Variants in HIP1 observed in about 807,000 individuals in gnomAD.
HIP1 encodes huntingtin interacting protein 1.
A neutral mutation model predicts 147.6 loss-of-function variants in HIP1; 65 were observed. The observed-to-expected ratio is 0.44, with a 90% CI of 0.36 to 0.54. The LOEUF is 0.54. Ranked by LOEUF, HIP1 falls within the 20% of genes least tolerant of loss-of-function variation. The pLI is 0.00. For synonymous variants in HIP1, 479 were observed against 504.0 expected, an observed-to-expected ratio of 0.95 and a Z score of 0.67; for missense variants, 1,061 against 1,299.6, an observed-to-expected ratio of 0.82 and a Z score of 2.82.
At chr7:75,538,559 C>G (rs1412976510) in intron 30 of HIP1, among the ~76,000 whole-genome samples, 1 of 141,602 alleles carries the variant, frequency 7.1e-6, no homozygotes, top group Non-Finnish European at 1.6e-5. Context: ...TTTCTCAGCA[C>G]CTGATCCCTT....
chr7:75,561,001 G>A (rs3757605), intron 13 of HIP1, among the ~76,000 whole-genome samples: 13,556 of 148,544 alleles, frequency 0.091, 627 homozygotes, highest in South Asian at 0.13. Flanking sequence ...CGCCCAGGCT[G>A]GAGTGCAGTG....
chr7:75,536,158 C>G lies in HIP1; in HGVS notation c.*2014G>C. 4.9e-6 allele frequency: 1 copy of G among 202,218 alleles called. No individual in the cohort carries two copies. Among genetic ancestry groups the G allele is most frequent in the Non-Finnish European group, 1.0e-5 (1 of 98,450 alleles). 12.5% of individuals were successfully genotyped at this position (202,218 alleles called of 1,614,324 possible). The stretch of plus-strand genomic sequence containing the variant: ...TGGGACAGGGAAGCCACGCACCATT[C>G]CTTCTGAGCCTTGAATCAAAAAAAT... On this transcript the variant is annotated 3_prime_UTR_variant, in exon 31 of 31. Transcript: ENST00000336926.
intron 8 of HIP1, among the ~76,000 whole-genome samples, chr7:75,572,729 G>A (rs1795690994): frequency 6.6e-6 from 1 of 152,156 alleles, no homozygotes; most frequent in Non-Finnish European, 1.5e-5. Context: ...TGAGGGTCCG[G>A]AGCAGGCAGG....
At chr7:75,609,778 G>A (rs782153097) in intron 1 of HIP1, among the ~76,000 whole-genome samples, 1 of 151,670 alleles carries the variant, frequency 6.6e-6, no homozygotes, top group African/African-American at 2.4e-5. Context: ...GGATGGTCTC[G>A]ATCTCTTGAC....
intron 17 of HIP1, 46 bp downstream of exon 17, chr7:75,556,664 T>C (rs782412802): frequency 1.2e-5 from 15 of 1,226,936 alleles, no homozygotes; most frequent in Non-Finnish European, 1.6e-5. Context: ...CCAACCTGAG[T>C]GACAGAAGAA....
intron 1 of HIP1, among the ~76,000 whole-genome samples, chr7:75,679,830 C>T (rs1357241883): frequency 1.3e-5 from 2 of 152,170 alleles, no homozygotes; most frequent in Non-Finnish European, 2.9e-5. Context: ...GTCCATCTCT[C>T]TGACCTCCAG....
intron 14 of HIP1, among the ~76,000 whole-genome samples, chr7:75,558,814 T>A (rs111231555): frequency 1.2e-4 from 18 of 151,124 alleles, no homozygotes; most frequent in African/African-American, 4.4e-4. Flanking sequence ...AGGTCAGGAG[T>A]TCAAGACCAG....
At chr7:75,557,866 A>C in intron 15 of HIP1, 96 bp from the exon 16 acceptor site, 1 of 887,970 alleles carries the variant, frequency 1.1e-6, no homozygotes, top group South Asian at 1.3e-5. Flanking sequence ...CGTGCCCTAG[A>C]GTCAGACACA....
intron 2 of HIP1, among the ~76,000 whole-genome samples, chr7:75,595,239 T>C (rs55792349): frequency 0.02 from 2,211 of 109,618 alleles, 37 homozygotes; most frequent in African/African-American, 0.085. Context: ...TTTCTTTCTT[T>C]CTTTCTTTCT....
chr7:75,700,302 G>A (rs1391163501), intron 1 of HIP1, among the ~76,000 whole-genome samples: 2 of 152,220 alleles, frequency 1.3e-5, no homozygotes, highest in South Asian at 4.1e-4. Context: ...AGAGCAACTC[G>A]AACCCAGCAA....
At position 75,540,130 on chromosome 7, in the gene HIP1, T is replaced by G. The variant is rs1794246799; in HGVS notation, c.2953-699A>C. ...AATGTAATTTATTTTATTTCTTAAT[T>G]CAAGGAATATTTGCTGGCCGGGCAT... On this transcript the variant is annotated intron_variant, in intron 29 of 30. Transcript: ENST00000336926. Among the ~76,000 whole-genome samples the G allele has an allele frequency of 3.3e-5, 5 of 152,274 alleles. No individual in the cohort carries two copies. In the South Asian group the frequency reaches 1.0e-3, roughly 32 times the overall value.
intron 1 of HIP1, among the ~76,000 whole-genome samples, chr7:75,707,685 C>T (rs1400295623): frequency 6.7e-6 from 1 of 148,908 alleles, no homozygotes; most frequent in Admixed American, 6.7e-5. Context: ...CATCACACTA[C>T]CTGACTTCAA....
intron 4 of HIP1, among the ~76,000 whole-genome samples, chr7:75,590,446 C>T (rs985944501): frequency 6.6e-6 from 1 of 152,030 alleles, no homozygotes; most frequent in Non-Finnish European, 1.5e-5. Flanking sequence ...AAAAAACACC[C>T]AGCCAATCCA....
chr7:75,689,965 T>C (rs1800391213), intron 1 of HIP1, among the ~76,000 whole-genome samples: 1 of 152,102 alleles, frequency 6.6e-6, no homozygotes, highest in South Asian at 2.1e-4. Context: ...GATGGCATGA[T>C]TTGATTTTAT....
chr7:75,595,212 CT>C (rs1337513605), intron 2 of HIP1, among the ~76,000 whole-genome samples: 1 of 77,706 alleles, frequency 1.3e-5, no homozygotes, highest in African/African-American at 6.9e-5. Context: ...TTCTTTCTTT[CT>C]TTCTTTCTTT....
intron 1 of HIP1, among the ~76,000 whole-genome samples, chr7:75,681,206 C>T (rs1554516807): frequency 6.6e-6 from 1 of 152,182 alleles, no homozygotes; most frequent in Admixed American, 6.5e-5. Flanking sequence ...AGCCACCGCG[C>T]CCAGTGATAA....
chr7:75,605,910 T>C (rs1554503760), intron 1 of HIP1, among the ~76,000 whole-genome samples: 1 of 152,090 alleles, frequency 6.6e-6, no homozygotes, highest in Non-Finnish European at 1.5e-5. Flanking sequence ...AGTGCAGTGG[T>C]GCAATCATAG....
chr7:75,732,993 C>T (rs1801885342), intron 1 of HIP1, among the ~76,000 whole-genome samples: 2 of 152,210 alleles, frequency 1.3e-5, no homozygotes, highest in Non-Finnish European at 2.9e-5. Flanking sequence ...CTTTATCTTA[C>T]TCATCTCTGT....
intron 7 of HIP1, among the ~76,000 whole-genome samples, chr7:75,576,763 G>C (rs587758088): frequency 6.6e-6 from 1 of 152,132 alleles, no homozygotes; most frequent in South Asian, 2.1e-4. Context: ...TGCATCCAGG[G>C]TTGAAAACTG....
Sources: gnomAD v4.1 joint callset for allele counts (sites outside exome capture counted in the v4.1 genomes callset) on GRCh38, gnomAD v4.1.1 for gene constraint, MANE v1.5 for transcripts, NCBI Gene and HGNC (gene_info 2026-07-23, HGNC 2026-07-21) for gene names.